The following CHST12 variants were observed in gnomAD, a reference collection of about 807,000 sequenced individuals.
CHST12 encodes carbohydrate (chondroitin 4) sulfotransferase 12.
In CHST12, 23 loss-of-function variants were observed where a neutral mutation model predicts 27.9. The observed-to-expected ratio is 0.82, with a 90% CI of 0.59 to 1.17. CHST12 has a LOEUF of 1.17. CHST12 is among the 50% of genes most tolerant of loss of function. The pLI, the probability that CHST12 is intolerant of heterozygous loss-of-function variation, is 0.00. For missense variants in CHST12, 682 were observed against 603.0 expected, an observed-to-expected ratio of 1.13 and a Z score of -1.37; for synonymous variants, 322 against 273.0, an observed-to-expected ratio of 1.18 and a Z score of -1.77.
In CHST12 at chr7:2,433,740, C is replaced by A; in HGVS notation, c.1101C>A (p.Ser367Arg). 1 of 1,613,824 alleles carries A rather than the reference C, an allele frequency of 6.2e-7. No individual in the cohort carries two copies. Among genetic ancestry groups the A allele is most frequent in the Non-Finnish European group, 8.5e-7 (1 of 1,179,998 alleles). ...QVDRQLRFPP[S>R]YRNRTASSWE... is the part of the protein sequence containing the mutation. ...ACCGGCAGCTCCGCTTCCCCCCGAGCTACCGGAACAGGACCGCCAGCAGCT... is the reference window on the plus strand; with the variant it reads ...ACCGGCAGCTCCGCTTCCCCCCGAGATACCGGAACAGGACCGCCAGCAGCT... Residue 367 changes from serine (S) to arginine (R), a missense_variant, in exon 2 of 2, where the codon AGC becomes AGA. Transcript: ENST00000618655. This position sits in a 1 kb window ranked among gnomAD's most constrained non-coding sequence, Gnocchi z 6.1.
At chr7:2,415,491 C>A (rs937684438) in intron 1 of CHST12, among the ~76,000 whole-genome samples, 19 of 152,158 alleles carry the variant, frequency 1.2e-4, no homozygotes, top group African/African-American at 4.3e-4. Flanking sequence ...TAACAATTAT[C>A]TGAGCCTTCA....
rs1381107002 is a variant in CHST12, at chr7:2,436,921, G to A, written c.*3037G>A. 2.0e-5 allele frequency: 3 copies of A among 152,278 alleles called. No individual in the cohort carries two copies. Among genetic ancestry groups the A allele is most frequent in the African/African-American group, 7.2e-5 (3 of 41,454 alleles). The allele number at this position is 152,278 out of a possible 1,614,324, so 9.4% of individuals were successfully genotyped here. On this transcript the variant is annotated 3_prime_UTR_variant, in exon 2 of 2. Coordinates refer to ENST00000618655, the MANE Select transcript of CHST12 (RefSeq NM_018641.5). ...ACCGCCCGTGGGGATGACTCCGGAT[G>A]GGAGTGGCAGAAAAGGGCCTGCTGG...
chr7:2,433,695 GCTGCAGCTA>G lies in CHST12; in HGVS notation c.1059_1067del (p.Leu355_Gln357del). 1 of 1,613,426 alleles carries G rather than the reference GCTGCAGCTA, an allele frequency of 6.2e-7. No homozygotes were observed. The highest frequency in any genetic ancestry group is 8.5e-7 in the Non-Finnish European group (1 of 1,179,722). ...CTCTGGACGAGGACGCCGCGCAGCT[GCTGCAGCTA>G]CTCCAGGTGGACCGGCAGCTCCGCT... On this transcript the variant is annotated inframe_deletion, in exon 2 of 2. Coordinates refer to ENST00000618655, the MANE Select transcript of CHST12 (RefSeq NM_018641.5). The surrounding 1 kb of genome is among the most constrained non-coding windows in gnomAD (Gnocchi z 6.1).
intron 1 of CHST12, among the ~76,000 whole-genome samples, chr7:2,415,644 G>A (rs1583212094): frequency 2.7e-5 from 4 of 148,628 alleles, no homozygotes; most frequent in African/African-American, 2.5e-5. Context: ...AGGCAGAGTC[G>A]CTCTGTCGCC....
In CHST12 at chr7:2,434,185, G is replaced by A; in HGVS notation, c.*301G>A. The stretch of plus-strand genomic sequence containing the variant: ...CGTGCGGGCGCCGGGAGGGGATGCT[G>A]AGGCTGATGGAGCTGCCTCCAGGGC... On this transcript the variant is annotated 3_prime_UTR_variant, in exon 2 of 2. Coordinates refer to ENST00000618655, the MANE Select transcript of CHST12 (RefSeq NM_018641.5). 4.0e-6 allele frequency: 1 copy of A among 250,416 alleles called. No homozygotes were observed. The highest frequency in any genetic ancestry group is 8.1e-5 in the South Asian group (1 of 12,364). 15.5% of individuals were successfully genotyped at this position (250,416 alleles called of 1,614,324 possible). A position where few individuals can be genotyped will look rare whatever the true frequency, so the allele number is the denominator to read the frequency against.
At chr7:2,430,648 C>T (rs1054369940) in intron 1 of CHST12, among the ~76,000 whole-genome samples, 5 of 151,746 alleles carry the variant, frequency 3.3e-5, no homozygotes, top group African/African-American at 1.2e-4. Context: ...GAGACAGTTT[C>T]ACCATGTTGG....
rs149760008 is a variant in CHST12 at position 2,437,895 on chromosome 7, C to G, written c.*4011C>G. The stretch of plus-strand genomic sequence containing the variant: ...GGGGCCTGGATGGCCGCACCTCTCT[C>G]TCCCCGCCCTGTCTCCTGCACTCAG... On this transcript the variant is annotated 3_prime_UTR_variant, in exon 2 of 2. Transcript: ENST00000618655. The G allele has an allele frequency of 2.0e-5, 3 of 152,406 alleles. No homozygotes were observed. In the East Asian group the frequency reaches 5.8e-4, roughly 29 times the overall value. The allele number at this position is 152,406 out of a possible 1,614,324, so 9.4% of individuals were successfully genotyped here.
intron 1 of CHST12, among the ~76,000 whole-genome samples, chr7:2,410,345 T>C (rs2023969): frequency 0.84 from 128,034 of 152,112 alleles, 54,232 homozygotes; most frequent in East Asian, 0.95. Context: ...GTGGATTAAC[T>C]GGTGTATATG....
In CHST12 at chr7:2,437,186, T is replaced by C. The variant is rs1782493341; in HGVS notation, c.*3302T>C. 1 of 152,232 alleles carries C rather than the reference T, an allele frequency of 6.6e-6. No individual in the cohort carries two copies. The highest frequency in any genetic ancestry group is 6.5e-5 in the Admixed American group (1 of 15,282). The allele number at this position is 152,232 out of a possible 1,614,324, so 9.4% of individuals were successfully genotyped here. On this transcript the variant is annotated 3_prime_UTR_variant, in exon 2 of 2. Coordinates refer to ENST00000618655, the MANE Select transcript of CHST12 (RefSeq NM_018641.5). ...CCTGTTGGCCCCCATCCTCCAGCTG[T>C]GTCCACACTTTGAGCACAGTCATGA...
Position 2,432,624 on chromosome 7 carries a change from G to A in CHST12, c.-16G>A. 1.3e-6 allele frequency: 2 copies of A among 1,596,830 alleles called. No individual in the cohort carries two copies. The highest frequency in any genetic ancestry group is 1.1e-5 in the South Asian group (1 of 89,500). On this transcript the variant is annotated 5_prime_UTR_variant, in exon 2 of 2. Transcript: ENST00000618655. Reference sequence around the variant, plus strand: ...AAGTGAGAGGCCCGGAGAGGGCCCAGCCCGCCCGGGGCAGGATGACCAAGG... The same window carrying A: ...AAGTGAGAGGCCCGGAGAGGGCCCAACCCGCCCGGGGCAGGATGACCAAGG...
At chr7:2,409,953 T>A (rs1169321527) in intron 1 of CHST12, among the ~76,000 whole-genome samples, 3 of 152,178 alleles carry the variant, frequency 2.0e-5, no homozygotes, top group Non-Finnish European at 4.4e-5. Context: ...AGCACTTTTT[T>A]TTTTTTTCCT....
intron 1 of CHST12, among the ~76,000 whole-genome samples, chr7:2,420,263 A>G (rs1781935646): frequency 6.6e-6 from 1 of 152,066 alleles, no homozygotes; most frequent in Non-Finnish European, 1.5e-5. Context: ...GTGAGCCGCC[A>G]CACCGGCCAA....
intron 1 of CHST12, among the ~76,000 whole-genome samples, chr7:2,418,107 C>T (rs1490434625): frequency 6.6e-6 from 1 of 152,256 alleles, no homozygotes; most frequent in Non-Finnish European, 1.5e-5. Context: ...GTTTTGCCCA[C>T]AGTCAGCATG....
chr7:2,421,061 T>C (rs1257707235), intron 1 of CHST12, among the ~76,000 whole-genome samples: 3 of 151,458 alleles, frequency 2.0e-5, no homozygotes, highest in Admixed American at 6.6e-5. Flanking sequence ...TAATTCTGTG[T>C]TAATTTTTTT....
At chr7:2,408,147 A>G (rs1781569211) in intron 1 of CHST12, among the ~76,000 whole-genome samples, 1 of 152,018 alleles carries the variant, frequency 6.6e-6, no homozygotes, top group South Asian at 2.1e-4. Flanking sequence ...AGGTGGACGG[A>G]TCACTTGAGG....
chr7:2,421,172 C>G (rs1274176490), intron 1 of CHST12, among the ~76,000 whole-genome samples: 1 of 151,850 alleles, frequency 6.6e-6, no homozygotes, highest in Admixed American at 6.6e-5. Flanking sequence ...ATCCTCTTGC[C>G]TCAGCCTCCT....
In CHST12 at chr7:2,433,626, C is replaced by T. The variant is rs1374977430; in HGVS notation, c.987C>T (p.Cys329=). 11 of 1,613,590 alleles carry T rather than the reference C, an allele frequency of 6.8e-6. No homozygotes were observed. Among genetic ancestry groups the T allele is most frequent in the Admixed American group, 1.7e-5 (1 of 60,002 alleles). ...ACTGGCGGCAGGTGTACCGCCTCTGCCACCCGTGCCAGATCGACTACGACT... is the reference window on the plus strand; with the variant it reads ...ACTGGCGGCAGGTGTACCGCCTCTGTCACCCGTGCCAGATCGACTACGACT... The part of the protein sequence containing the change: ...NEHWRQVYRL[C]HPCQIDYDFV... The change falls in exon 2 of 2, where the codon TGC becomes TGT. Residue 329 remains cysteine (C), a synonymous_variant. Coordinates refer to ENST00000618655, the MANE Select transcript of CHST12 (RefSeq NM_018641.5). This position sits in a 1 kb window ranked among gnomAD's most constrained non-coding sequence, Gnocchi z 6.1.
chr7:2,411,614 C>T (rs190713202), intron 1 of CHST12, among the ~76,000 whole-genome samples: 1 of 150,580 alleles, frequency 6.6e-6, no homozygotes, highest in East Asian at 2.0e-4. Flanking sequence ...CTCAGCCTCT[C>T]AAGTAGCTGG....
chr7:2,428,923 G>T (rs1448756993), intron 1 of CHST12, among the ~76,000 whole-genome samples: 1 of 152,182 alleles, frequency 6.6e-6, no homozygotes, highest in South Asian at 2.1e-4. Flanking sequence ...TAGAAGAGCC[G>T]TGGCAAGATG....
Sources: gnomAD v4.1 joint callset for allele counts (sites outside exome capture counted in the v4.1 genomes callset) on GRCh38, gnomAD v4.1.1 for gene constraint, Gnocchi (gnomAD v3.1) non-coding constraint, MANE v1.5 for transcripts, NCBI Gene and HGNC (gene_info 2026-07-23, HGNC 2026-07-21) for gene names.